SP4: variants seen among roughly 807,000 people sequenced by gnomAD.
SP4 encodes the protein Sp4 transcription factor.
In SP4, 19 loss-of-function variants were observed where a neutral mutation model predicts 72.8. The observed-to-expected ratio is 0.26, with a 90% CI of 0.18 to 0.38. The LOEUF (loss-of-function observed/expected upper bound fraction) is 0.38, where lower values mean the gene tolerates loss of function less well. Among genes scored for constraint, SP4 ranks in the 10% least tolerant of loss-of-function variants. The pLI, the probability that SP4 is intolerant of heterozygous loss-of-function variation, is 1.00. For missense variants in SP4, 1,008 were observed against 926.3 expected, an observed-to-expected ratio of 1.09 and a Z score of -1.14; for synonymous variants, 395 against 333.1, an observed-to-expected ratio of 1.19 and a Z score of -2.02.
At chr7:21,455,484 C>A (rs565746210) in intron 3 of SP4, among the ~76,000 whole-genome samples, 1 of 152,252 alleles carries the variant, frequency 6.6e-6, no homozygotes, top group African/African-American at 2.4e-5. Context: ...AAAAAGAAAG[C>A]GTCCCCTCTT....
At chr7:21,497,090 C>T (rs1781728795) in intron 5 of SP4, among the ~76,000 whole-genome samples, 1 of 152,258 alleles carries the variant, frequency 6.6e-6, no homozygotes, top group Non-Finnish European at 1.5e-5. Context: ...CTGTCTTGGG[C>T]ATCCATGAAG....
At chr7:21,486,499 CT>C (rs1323534139) in intron 5 of SP4, among the ~76,000 whole-genome samples, 1 of 151,982 alleles carries the variant, frequency 6.6e-6, no homozygotes, top group Non-Finnish European at 1.5e-5. Context: ...CTTTCCTTGT[CT>C]TTTATCACCT....
intron 3 of SP4, among the ~76,000 whole-genome samples, chr7:21,454,052 C>G (rs1203923050): frequency 6.6e-6 from 1 of 152,136 alleles, no homozygotes; most frequent in African/African-American, 2.4e-5. Context: ...TCAGTAGTCT[C>G]AAGTACATGT....
chr7:21,454,029 A>C (rs1783679799), intron 3 of SP4, among the ~76,000 whole-genome samples: 1 of 152,238 alleles, frequency 6.6e-6, no homozygotes. Context: ...TTTTACATGT[A>C]AAACTCTTTT....
chr7:21,446,004 G>A (rs930427371), intron 3 of SP4, among the ~76,000 whole-genome samples: 2 of 118,918 alleles, frequency 1.7e-5, no homozygotes, highest in Non-Finnish European at 3.2e-5. Flanking sequence ...GTGTGTGTGT[G>A]TGTGTGTGTG....
intron 3 of SP4, chr7:21,471,216 C>T (rs1483637635): frequency 2.1e-6 from 1 of 481,130 alleles, no homozygotes; most frequent in Non-Finnish European, 4.3e-6. Context: ...CTAAGAAATA[C>T]TGACCTTATT....
In SP4 at chr7:21,477,293, G is replaced by C; in HGVS notation, c.1893G>C (p.Arg631Ser). 6.2e-7 allele frequency: 1 copy of C among 1,607,846 alleles called. No homozygotes were observed. The highest frequency in any genetic ancestry group is 8.5e-7 in the Non-Finnish European group (1 of 1,174,666). ...RRVACSCPNC[R>S]EGEGRGSNEP... ...TTGCCTGTTCCTGTCCTAATTGTAGGGAAGGAGAAGGAAGGTAAATGCTGT... is the reference window on the plus strand; with the variant it reads ...TTGCCTGTTCCTGTCCTAATTGTAGCGAAGGAGAAGGAAGGTAAATGCTGT... The change falls in exon 4 of 6, where the codon AGG becomes AGC. Residue 631 changes from arginine to serine, a missense_variant. Arg to Ser is a moderately radical substitution (Grantham distance 110). Transcript: ENST00000222584.
chr7:21,505,408 A>G (rs1206494907), intron 5 of SP4, among the ~76,000 whole-genome samples: 2 of 152,208 alleles, frequency 1.3e-5, no homozygotes, highest in Non-Finnish European at 2.9e-5. Context: ...TTAAAAGATT[A>G]TCTATGTATT....
At position 21,482,098 on chromosome 7, in the gene SP4, C is replaced by G; in HGVS notation, c.2082C>G (p.Leu694=). 6.2e-7 allele frequency: 1 copy of G among 1,613,900 alleles called. No individual in the cohort carries two copies. The highest frequency in any genetic ancestry group is 8.5e-7 in the Non-Finnish European group (1 of 1,179,846). ...AAAGATTCACACGGAGTGATGAGCT[C>G]CAGAGACATAGAAGAACCCATACAG... The part of the protein sequence containing the change: ...CGKRFTRSDE[L]QRHRRTHTGE... Residue 694 remains leucine (L), a synonymous_variant, in exon 5 of 6, where the codon CTC becomes CTG. Transcript: ENST00000222584.
At chr7:21,450,043 G>C (rs959867815) in intron 3 of SP4, among the ~76,000 whole-genome samples, 1 of 151,702 alleles carries the variant, frequency 6.6e-6, no homozygotes, top group African/African-American at 2.4e-5. Context: ...TTTAATAATA[G>C]ATCCCAGAGA....
At chr7:21,460,016 G>A (rs139882045) in intron 3 of SP4, among the ~76,000 whole-genome samples, 425 of 152,300 alleles carry the variant, frequency 2.8e-3, no homozygotes, top group African/African-American at 9.8e-3. Flanking sequence ...AAAATTAAGA[G>A]CAGGATGAAT....
Position 21,512,092 on chromosome 7 carries a change from A to G in SP4, c.*823A>G, listed in dbSNP as rs1782161802. 1 of 152,648 alleles carries G rather than the reference A, an allele frequency of 6.6e-6. No individual in the cohort carries two copies. The highest frequency in any genetic ancestry group is 1.5e-5 in the Non-Finnish European group (1 of 68,032). The allele number at this position is 152,648 out of a possible 1,614,324, so 9.5% of individuals were successfully genotyped here. A position where few individuals can be genotyped will look rare whatever the true frequency, so the allele number is the denominator to read the frequency against. On this transcript the variant is annotated 3_prime_UTR_variant, in exon 6 of 6. Coordinates refer to ENST00000222584, the MANE Select transcript of SP4 (RefSeq NM_003112.5). ...TAAAGTTAGGATTGATTATATTCCT[A>G]ACCCTAGGTTGAACCACAAAATTTC...
intron 3 of SP4, among the ~76,000 whole-genome samples, chr7:21,469,394 C>G (rs1274277504): frequency 2.6e-5 from 4 of 151,892 alleles, no homozygotes; most frequent in African/African-American, 9.7e-5. Flanking sequence ...TCATAGTTTT[C>G]TATGGTGAGC....
At chr7:21,471,704 T>C (rs955466957) in intron 3 of SP4, among the ~76,000 whole-genome samples, 1 of 152,130 alleles carries the variant, frequency 6.6e-6, no homozygotes, top group Non-Finnish European at 1.5e-5. Flanking sequence ...TGTGGTGGCA[T>C]GCATCTGTAG....
intron 3 of SP4, among the ~76,000 whole-genome samples, chr7:21,442,611 A>G (rs1447837295): frequency 6.6e-6 from 1 of 152,184 alleles, no homozygotes; most frequent in East Asian, 1.9e-4. Context: ...GTTTTCATGG[A>G]AAGGGTGATA....
Position 21,429,331 on chromosome 7 carries a change from A to G in SP4, c.166A>G (p.Ser56Gly). The G allele has an allele frequency of 6.2e-7, 1 of 1,603,584 alleles. No individual in the cohort carries two copies. The highest frequency in any genetic ancestry group is 8.5e-7 in the Non-Finnish European group (1 of 1,174,520). Residue 56 changes from serine (S) to glycine (G), a missense_variant, in exon 3 of 6, where the codon AGC becomes GGC. Coordinates refer to ENST00000222584, the MANE Select transcript of SP4 (RefSeq NM_003112.5). ...SPLALLAATCSKIGTPGENQA... is the reference protein window; with the variant it reads ...SPLALLAATCGKIGTPGENQA... ...TCTGGCTTTACTGGCAGCTACTTGC[A>G]GCAAAATAGGGACTCCTGGTGAAAA... is the stretch of plus-strand genomic sequence containing the variant.
chr7:21,483,110 A>G (rs1784731995), intron 5 of SP4, among the ~76,000 whole-genome samples: 1 of 152,106 alleles, frequency 6.6e-6, no homozygotes, highest in South Asian at 2.1e-4. Context: ...AGTACCCAGT[A>G]GTGTCAGGCC....
In SP4 at chr7:21,510,260, C is replaced by G. The variant is rs904792233; in HGVS notation, c.2108-762C>G. Among the ~76,000 whole-genome samples, 3 of 152,224 alleles carry G rather than the reference C, an allele frequency of 2.0e-5. No individual in the cohort carries two copies. The South Asian group carries it at 6.2e-4, about 32-fold the overall frequency. On this transcript the variant is annotated intron_variant, in intron 5 of 5. Transcript: ENST00000222584. ...GTAACAATTTTAGAGGGAAGATCTA[C>G]GGCTAACAGTTATTCATTGTGCACA...
intron 3 of SP4, among the ~76,000 whole-genome samples, chr7:21,472,276 T>C (rs1380851776): frequency 6.6e-6 from 1 of 151,390 alleles, no homozygotes; most frequent in Non-Finnish European, 1.5e-5. Flanking sequence ...TTTGTTTGAT[T>C]GTTTGTTTGT....
Sources: gnomAD v4.1 joint callset for allele counts (sites outside exome capture counted in the v4.1 genomes callset) on GRCh38, gnomAD v4.1.1 for gene constraint, MANE v1.5 for transcripts, NCBI Gene and HGNC (gene_info 2026-07-23, HGNC 2026-07-21) for gene names.